The following GRXCR1 variants were observed in gnomAD, a reference collection of about 807,000 sequenced individuals.
GRXCR1 encodes the protein glutaredoxin domain-containing cysteine-rich protein 1.
A neutral mutation model predicts 27.3 loss-of-function variants in GRXCR1; 27 were observed. The observed-to-expected ratio is 0.99, with a 90% confidence interval of 0.73 to 1.37. The LOEUF (loss-of-function observed/expected upper bound fraction) is 1.37. Among genes scored for constraint, GRXCR1 ranks in the 40% most tolerant of loss-of-function variants. GRXCR1 has a pLI of 0.00. For missense variants in GRXCR1, 379 were observed against 354.4 expected (o/e 1.07, Z -0.56); for synonymous variants, 122 against 131.1 (o/e 0.93, Z 0.47).
At chr4:42,926,609 A>G (rs779079038) in intron 1 of GRXCR1, among the ~76,000 whole-genome samples, 1 of 151,964 alleles carries the variant, frequency 6.6e-6, no homozygotes, top group Non-Finnish European at 1.5e-5. Context: ...ATTCAAAACT[A>G]ACGTTACACA....
intron 3 of GRXCR1, among the ~76,000 whole-genome samples, chr4:43,023,719 T>C (rs1438496274): frequency 1.3e-5 from 2 of 152,180 alleles, no homozygotes; most frequent in East Asian, 3.8e-4. Context: ...GAACAGGGAT[T>C]GGGATATCCC....
chr4:42,950,109 GATATA>G (rs922732380), intron 1 of GRXCR1, among the ~76,000 whole-genome samples: 21 of 152,140 alleles, frequency 1.4e-4, no homozygotes, highest in African/African-American at 4.8e-4. Flanking sequence ...TAATATTGTA[GATATA>G]ATATATAAAA....
intron 1 of GRXCR1, among the ~76,000 whole-genome samples, chr4:42,941,838 C>T (rs1280994126): frequency 1.3e-5 from 2 of 151,798 alleles, no homozygotes; most frequent in Non-Finnish European, 2.9e-5. Context: ...AAAATTATCC[C>T]CACTATTGAA....
chr4:42,911,800 A>T (rs1746727288), intron 1 of GRXCR1, among the ~76,000 whole-genome samples: 1 of 152,166 alleles, frequency 6.6e-6, no homozygotes, highest in Non-Finnish European at 1.5e-5. Context: ...TCATTAACAC[A>T]TGTATATAGA....
At chr4:42,951,012 C>A (rs542473298) in intron 1 of GRXCR1, among the ~76,000 whole-genome samples, 1 of 152,208 alleles carries the variant, frequency 6.6e-6, no homozygotes, top group African/African-American at 2.4e-5. Flanking sequence ...GGCTAAGAAG[C>A]CCTACAACCT....
chr4:42,941,564 C>A (rs370723776), intron 1 of GRXCR1, among the ~76,000 whole-genome samples: 1 of 151,946 alleles, frequency 6.6e-6, no homozygotes, highest in East Asian at 1.9e-4. Context: ...TTTGATTCCC[C>A]TGATTTAATC....
intron 1 of GRXCR1, among the ~76,000 whole-genome samples, chr4:42,898,403 G>T (rs1041618185): frequency 2.0e-5 from 3 of 151,962 alleles, no homozygotes; most frequent in African/African-American, 7.2e-5. Context: ...AGGATGACTT[G>T]TTTACCTCAA....
rs1001370899 is a variant in GRXCR1, at chr4:43,001,355, G to C, written c.628-18999G>C. ...CCCATCGTGCCTCAGTAGATAATTGGGCGTAGGGCTTGATGGTAGACTTTG... is the reference window on the plus strand; with the variant it reads ...CCCATCGTGCCTCAGTAGATAATTGCGCGTAGGGCTTGATGGTAGACTTTG... On this transcript the variant is annotated intron_variant, in intron 2 of 3. Coordinates refer to ENST00000399770, the MANE Select transcript of GRXCR1 (RefSeq NM_001080476.3). 7.9e-5 allele frequency among the ~76,000 whole-genome samples: 12 copies of C among 152,144 alleles called. No individual in the cohort carries two copies. The East Asian group carries it at 2.3e-3, about 29-fold the overall frequency.
chr4:42,909,520 C>T (rs934559847), intron 1 of GRXCR1, among the ~76,000 whole-genome samples: 2 of 152,132 alleles, frequency 1.3e-5, no homozygotes, highest in South Asian at 2.1e-4. Flanking sequence ...AGCCAGAGCT[C>T]GTCCCTGCAC....
At position 42,944,982 on chromosome 4, in the gene GRXCR1, G is replaced by A. The variant is rs567756924; in HGVS notation, c.385-17910G>A. ...TCTCAAAATTCATATATTGGAAAGT[G>A]TCTCCCAAGGTCATGGTAAAGGAGG... On this transcript the variant is annotated intron_variant, in intron 1 of 3. Transcript: ENST00000399770. Among the ~76,000 whole-genome samples, 35 of 152,190 alleles carry A rather than the reference G, an allele frequency of 2.3e-4. 1 individual carries two copies. Among genetic ancestry groups the A allele is most frequent in the South Asian group, 8.3e-4 (4 of 4,822 alleles).
chr4:42,905,947 T>C (rs1047250588), intron 1 of GRXCR1, among the ~76,000 whole-genome samples: 6 of 152,184 alleles, frequency 3.9e-5, no homozygotes, highest in Non-Finnish European at 1.5e-5. Flanking sequence ...GCTATGATAT[T>C]AATTTTTCTT....
chr4:42,918,230 G>C (rs1019586592), intron 1 of GRXCR1, among the ~76,000 whole-genome samples: 1 of 151,988 alleles, frequency 6.6e-6, no homozygotes, highest in African/African-American at 2.4e-5. Context: ...AAGAGCAAAA[G>C]GAGGCAAACT....
chr4:42,933,959 C>T (rs1747393056), intron 1 of GRXCR1, among the ~76,000 whole-genome samples: 1 of 151,750 alleles, frequency 6.6e-6, no homozygotes, highest in African/African-American at 2.4e-5. Flanking sequence ...CTCCTTCCCC[C>T]AAGTGAGATG....
chr4:42,930,018 A>T (rs895407695), intron 1 of GRXCR1, among the ~76,000 whole-genome samples: 2 of 151,982 alleles, frequency 1.3e-5, no homozygotes, highest in Non-Finnish European at 2.9e-5. Flanking sequence ...AAGCCTTAAC[A>T]TCTATGCTCT....
chr4:42,983,906 G>A (rs925580563), intron 2 of GRXCR1, among the ~76,000 whole-genome samples: 9 of 150,390 alleles, frequency 6.0e-5, no homozygotes, highest in African/African-American at 2.0e-4. Context: ...TGTGATCTCG[G>A]CTCACTGGAA....
intron 2 of GRXCR1, among the ~76,000 whole-genome samples, chr4:43,013,408 T>C (rs536369992): frequency 2.0e-5 from 3 of 152,214 alleles, no homozygotes; most frequent in Non-Finnish European, 2.9e-5. Context: ...CATGTTCTCA[T>C]TTATAAGGGG....
chr4:43,013,794 A>T (rs1193636468), intron 2 of GRXCR1, among the ~76,000 whole-genome samples: 1 of 152,200 alleles, frequency 6.6e-6, no homozygotes, highest in Non-Finnish European at 1.5e-5. Context: ...TAGTGACTTG[A>T]TATTACTTTT....
chr4:42,951,440 T>C (rs10004396), intron 1 of GRXCR1, among the ~76,000 whole-genome samples: 2,494 of 152,248 alleles, frequency 0.016, 78 homozygotes, highest in African/African-American at 0.057. Context: ...AGGCTTGAGA[T>C]TGGTTTTCTT....
intron 1 of GRXCR1, among the ~76,000 whole-genome samples, chr4:42,919,591 A>G (rs909778326): frequency 6.6e-6 from 1 of 152,140 alleles, no homozygotes; most frequent in Non-Finnish European, 1.5e-5. Flanking sequence ...AGGGCTCAAC[A>G]GAATGTGAAA....
Sources: gnomAD v4.1 joint callset for allele counts (sites outside exome capture counted in the v4.1 genomes callset) on GRCh38, gnomAD v4.1.1 for gene constraint, MANE v1.5 for transcripts, NCBI Gene and HGNC (gene_info 2026-07-23, HGNC 2026-07-21) for gene names.